Variants in PLAGL1 observed in about 807,000 individuals in gnomAD.
PLAGL1 encodes the protein PLAG1 like zinc finger 1.
PLAGL1 carries 1 observed loss-of-function variant against 4.6 expected under a neutral mutation model. The ratio of observed to expected loss-of-function variants is 0.22; its 90% confidence interval spans 0.08 to 1.03. The LOEUF (loss-of-function observed/expected upper bound fraction) is 1.03, where lower values mean the gene tolerates loss of function less well. Among genes scored for constraint, PLAGL1 ranks in the 50% least tolerant of loss-of-function variants. The probability of loss-of-function intolerance (pLI) is 0.58; values close to 1 mark genes in which losing one functional copy is unlikely to be tolerated. For synonymous variants in PLAGL1, 240 were observed against 237.8 expected (o/e 1.01, Z -0.08); for missense variants, 464 against 570.4 (o/e 0.81, Z 1.90).
In PLAGL1 at chr6:144,008,104, A is replaced by AC. The variant is rs1794728689; in HGVS notation, c.-599dup. The AC allele has an allele frequency of 6.6e-6, 1 of 150,958 alleles. No homozygotes were observed. Among genetic ancestry groups the AC allele is most frequent in the Non-Finnish European group, 1.5e-5 (1 of 67,748 alleles). 9.4% of individuals were successfully genotyped at this position (150,958 alleles called of 1,614,324 possible). A position where few individuals can be genotyped will look rare whatever the true frequency, so the allele number is the denominator to read the frequency against. ...CAAACACCTACCCTGCGGGGCGACG[A>AC]CCCCCGGAGCTCAGGCGAGGCCGCT... On this transcript the variant is annotated 5_prime_UTR_variant, in exon 1 of 8. Transcript: ENST00000674357. The surrounding 1 kb of genome is among the most constrained non-coding windows in gnomAD (Gnocchi z 6.9).
rs891580474 is a variant in PLAGL1 at position 143,948,255 on chromosome 6, C to G, written c.-119G>C. 23 of 867,206 alleles carry G rather than the reference C, an allele frequency of 2.7e-5. No homozygotes were observed. The African/African-American group carries it at 3.8e-4, about 14-fold the overall frequency. 53.7% of individuals were successfully genotyped at this position (867,206 alleles called of 1,614,324 possible). A position where few individuals can be genotyped will look rare whatever the true frequency, so the allele number is the denominator to read the frequency against. On this transcript the variant is annotated 5_prime_UTR_variant, in exon 7 of 8. Transcript: ENST00000674357. This position sits in a 1 kb window ranked among gnomAD's most constrained non-coding sequence, Gnocchi z 6.0. ...AGAGTCCCTGCAGCTGAACTCCAGA[C>G]CACGGGAGAGGCAGCATCGTGGGCC...
chr6:144,040,398 A>G (rs34911349), intron 1 of PLAGL1, among the ~76,000 whole-genome samples: 1 of 151,762 alleles, frequency 6.6e-6, no homozygotes, highest in Admixed American at 6.6e-5. Context: ...GCATGGTGGC[A>G]CATGCTTGTA....
intron 1 of PLAGL1, among the ~76,000 whole-genome samples, chr6:143,987,061 G>GTTATTTT (rs1193127929): frequency 2.0e-5 from 3 of 152,102 alleles, no homozygotes; most frequent in Non-Finnish European, 4.4e-5. Flanking sequence ...CGTTAACACT[G>GTTATTTT]AAATATATTA....
In PLAGL1 at chr6:144,005,917, A is replaced by G. The variant is rs1031805385; in HGVS notation, c.-584+2173T>C. The G allele has an allele frequency of 6.6e-6, 1 of 152,110 alleles. No homozygotes were observed. Among genetic ancestry groups the G allele is most frequent in the Non-Finnish European group, 1.5e-5 (1 of 67,996 alleles). The allele number at this position is 152,110 out of a possible 1,614,324, so 9.4% of individuals were successfully genotyped here. A position where few individuals can be genotyped will look rare whatever the true frequency, so the allele number is the denominator to read the frequency against. On this transcript the variant is annotated intron_variant, in intron 1 of 7. Coordinates refer to ENST00000674357, the MANE Select transcript of PLAGL1 (RefSeq NM_001317162.2). This position sits in a 1 kb window ranked among gnomAD's most constrained non-coding sequence, Gnocchi z 4.6. Reference sequence around the variant, plus strand: ...ATTTTAAAACGCTGAAAGTCTGTAAAGTTCTGTGATTTTTATATACTTTTT... The same window carrying G: ...ATTTTAAAACGCTGAAAGTCTGTAAGGTTCTGTGATTTTTATATACTTTTT...
intron 1 of PLAGL1, among the ~76,000 whole-genome samples, chr6:144,028,330 C>T (rs1328603652): frequency 6.6e-6 from 1 of 152,132 alleles, no homozygotes; most frequent in Non-Finnish European, 1.5e-5. Flanking sequence ...GTAGTCACAG[C>T]TCCAAGGGTA....
At chr6:144,041,235 A>T (rs910379075) in intron 1 of PLAGL1, among the ~76,000 whole-genome samples, 1 of 152,108 alleles carries the variant, frequency 6.6e-6, no homozygotes, top group African/African-American at 2.4e-5. Context: ...CACAACATGC[A>T]GGTTTGTTAC....
At position 143,983,690 on chromosome 6, in the gene PLAGL1, G is replaced by A. The variant is rs575791131; in HGVS notation, c.-544+1445C>T. Among the ~76,000 whole-genome samples, 2 of 152,180 alleles carry A rather than the reference G, an allele frequency of 1.3e-5. No homozygotes were observed. Among genetic ancestry groups the A allele is most frequent in the East Asian group, 3.9e-4 (2 of 5,188 alleles). On this transcript the variant is annotated intron_variant, in intron 2 of 7. Coordinates refer to ENST00000674357, the MANE Select transcript of PLAGL1 (RefSeq NM_001317162.2). This position sits in a 1 kb window ranked among gnomAD's most constrained non-coding sequence, Gnocchi z 6.6. ...TTTAATGAGAGGGTAGGCTATTGAC[G>A]TTGAGTAAGGGAGGATGTGAGATAT...
Position 143,960,671 on chromosome 6 carries a change from G to GT in PLAGL1, c.-398-130dup, listed in dbSNP as rs1306001175. On this transcript the variant is annotated intron_variant, in intron 5 of 7. Coordinates refer to ENST00000674357, the MANE Select transcript of PLAGL1 (RefSeq NM_001317162.2). This position sits in a 1 kb window ranked among gnomAD's most constrained non-coding sequence, Gnocchi z 5.7. ...CGATGTGCACAGGAGATTTTCTAGT[G>GT]TTTTTTCATGCATTTTAATAGATGA... The GT allele has an allele frequency of 6.6e-6, 1 of 152,118 alleles. No homozygotes were observed. The highest frequency in any genetic ancestry group is 1.9e-4 in the East Asian group (1 of 5,196). 9.4% of individuals were successfully genotyped at this position (152,118 alleles called of 1,614,324 possible). A position where few individuals can be genotyped will look rare whatever the true frequency, so the allele number is the denominator to read the frequency against.
chr6:144,047,782 C>T (rs1396231143), intron 1 of PLAGL1, among the ~76,000 whole-genome samples: 1 of 152,102 alleles, frequency 6.6e-6, no homozygotes, highest in Admixed American at 6.5e-5. Flanking sequence ...TCATTCTGCC[C>T]CTGACACCCC....
intron 2 of PLAGL1, among the ~76,000 whole-genome samples, chr6:143,980,692 TATTG>T (rs1193293436): frequency 6.6e-6 from 1 of 152,214 alleles, no homozygotes; most frequent in Non-Finnish European, 1.5e-5. Flanking sequence ...GGTCTGTTTC[TATTG>T]ATTGAGTTTT....
chr6:143,944,147 G>A (rs1159936072), intron 7 of PLAGL1, among the ~76,000 whole-genome samples: 2 of 152,128 alleles, frequency 1.3e-5, no homozygotes, highest in African/African-American at 4.8e-5. Flanking sequence ...GAGCTTTCAC[G>A]TTAGATACAG....
In PLAGL1 at chr6:143,994,699, G is replaced by T. The variant is rs549210177; in HGVS notation, c.-583-9525C>A. 2.0e-5 allele frequency among the ~76,000 whole-genome samples: 3 copies of T among 152,326 alleles called. No homozygotes were observed. The South Asian group carries it at 6.2e-4, about 32-fold the overall frequency. The stretch of plus-strand genomic sequence containing the variant: ...CGTTTCTGGAAAATCCACTGTTACA[G>T]ATTCAAATGTGTCCTCAAAATTCAA... On this transcript the variant is annotated intron_variant, in intron 1 of 7. Coordinates refer to ENST00000674357, the MANE Select transcript of PLAGL1 (RefSeq NM_001317162.2). This position sits in a 1 kb window ranked among gnomAD's most constrained non-coding sequence, Gnocchi z 4.3.
In PLAGL1 at chr6:143,966,445, A is replaced by G. The variant is rs954361011; in HGVS notation, c.-471-247T>C. The G allele has an allele frequency of 2.0e-5, 3 of 152,238 alleles. No homozygotes were observed. The highest frequency in any genetic ancestry group is 7.2e-5 in the African/African-American group (3 of 41,458). 9.4% of individuals were successfully genotyped at this position (152,238 alleles called of 1,614,324 possible). A position where few individuals can be genotyped will look rare whatever the true frequency, so the allele number is the denominator to read the frequency against. ...ATAACTGAACTCTGAAGTTCAGTAT[A>G]AAACTGTTCACAGAGCATTCTAAAT... is the stretch of plus-strand genomic sequence containing the variant. On this transcript the variant is annotated intron_variant, in intron 3 of 7. Transcript: ENST00000674357. The surrounding 1 kb of genome is among the most constrained non-coding windows in gnomAD (Gnocchi z 6.0).
intron 7 of PLAGL1, among the ~76,000 whole-genome samples, chr6:143,943,031 A>ATTTTTTTTTTTTTTTTTTTTTTT (rs61216054): frequency 7.7e-5 from 5 of 64,642 alleles, no homozygotes; most frequent in African/African-American, 1.6e-4. Context: ...GGCCTGGCTA[A>ATTTTTTTTTTTTTTTTTTTTTTT]TTTTTTTTTT....
Position 143,970,072 on chromosome 6 carries a change from G to C in PLAGL1, c.-543-1094C>G, listed in dbSNP as rs1228277315. ...ACAGATATAAATTCATTACTGATTA[G>C]CAGTGCAATCCAATTGGATGAATAC... On this transcript the variant is annotated intron_variant, in intron 2 of 7. Coordinates refer to ENST00000674357, the MANE Select transcript of PLAGL1 (RefSeq NM_001317162.2). The surrounding 1 kb of genome is among the most constrained non-coding windows in gnomAD (Gnocchi z 5.8). 6.6e-6 allele frequency among the ~76,000 whole-genome samples: 1 copy of C among 152,202 alleles called. No individual in the cohort carries two copies. Among genetic ancestry groups the C allele is most frequent in the Non-Finnish European group, 1.5e-5 (1 of 68,036 alleles).
intron 1 of PLAGL1, among the ~76,000 whole-genome samples, chr6:144,052,067 G>A (rs1479607994): frequency 6.6e-6 from 1 of 152,182 alleles, no homozygotes; most frequent in African/African-American, 2.4e-5. Context: ...TAAAACTTAA[G>A]AGTTTGAAAA....
rs998405421 is a variant in PLAGL1, at chr6:143,994,149, T to G, written c.-583-8975A>C. ...TCAAGAAGCATTTTACTCTCCAGGTTTTGAAGGATTTCAAAATTGTTATGG... is the reference window on the plus strand; with the variant it reads ...TCAAGAAGCATTTTACTCTCCAGGTGTTGAAGGATTTCAAAATTGTTATGG... On this transcript the variant is annotated intron_variant, in intron 1 of 7. Transcript: ENST00000674357. The surrounding 1 kb of genome is among the most constrained non-coding windows in gnomAD (Gnocchi z 4.3). Among the ~76,000 whole-genome samples the G allele has an allele frequency of 5.3e-5, 8 of 152,172 alleles. No individual in the cohort carries two copies. The highest frequency in any genetic ancestry group is 1.0e-4 in the Non-Finnish European group (7 of 68,028).
rs562483535 is a variant in PLAGL1 at position 144,015,687 on chromosome 6, CA to C, written c.-150-46710del. Among the ~76,000 whole-genome samples, 319 of 152,320 alleles carry C rather than the reference CA, an allele frequency of 2.1e-3. No homozygotes were observed. The highest frequency in any genetic ancestry group is 3.7e-3 in the Non-Finnish European group (253 of 68,022). ...TCAAAACTACAGTGAAATACCGCTA[CA>C]TACCCACTGGAAAGGCTAAAGTTGA... On this transcript the variant is annotated intron_variant, in intron 1 of 3. Coordinates refer to the PLAGL1 transcript ENST00000437412. This position sits in a 1 kb window ranked among gnomAD's most constrained non-coding sequence, Gnocchi z 4.3.
At position 143,960,548 on chromosome 6, in the gene PLAGL1, A is replaced by G. The variant is rs1309303210; in HGVS notation, c.-398-6T>C. On this transcript the variant is annotated splice_region_variant and splice_polypyrimidine_tract_variant and intron_variant, in intron 5 of 7. Coordinates refer to ENST00000674357, the MANE Select transcript of PLAGL1 (RefSeq NM_001317162.2). The surrounding 1 kb of genome is among the most constrained non-coding windows in gnomAD (Gnocchi z 5.7). ...GTTTGTCTGAAGATTCAAACCTGTG[A>G]GAAGAGACCTTGTACATCGTCAGGG... The G allele has an allele frequency of 6.6e-6, 1 of 152,236 alleles. No homozygotes were observed. The allele number at this position is 152,236 out of a possible 1,614,324, so 9.4% of individuals were successfully genotyped here.
Sources: gnomAD v4.1 joint callset for allele counts (sites outside exome capture counted in the v4.1 genomes callset) on GRCh38, gnomAD v4.1.1 for gene constraint, Gnocchi (gnomAD v3.1) non-coding constraint, MANE v1.5 for transcripts, NCBI Gene and HGNC (gene_info 2026-07-23, HGNC 2026-07-21) for gene names.